RSPO2: variants seen among roughly 807,000 people sequenced by gnomAD.
RSPO2 encodes R-spondin-2.
RSPO2 carries 14 observed loss-of-function variants against 30.9 expected under a neutral mutation model. The ratio of observed to expected loss-of-function variants is 0.45; its 90% confidence interval spans 0.30 to 0.71. RSPO2 has a LOEUF of 0.71. Among genes scored for constraint, RSPO2 ranks in the 30% least tolerant of loss-of-function variants. RSPO2 has a pLI of 0.08. For missense variants in RSPO2, 264 were observed against 301.9 expected, an observed-to-expected ratio of 0.87 and a Z score of 0.93; for synonymous variants, 107 against 96.4, an observed-to-expected ratio of 1.11 and a Z score of -0.64.
chr8:107,939,529 G>C (rs1475090253), intron 5 of RSPO2, among the ~76,000 whole-genome samples: 1 of 133,002 alleles, frequency 7.5e-6, no homozygotes, highest in South Asian at 2.3e-4. Context: ...CTGTGCTTTT[G>C]ACTCTGGTTC....
intron 5 of RSPO2, among the ~76,000 whole-genome samples, chr8:107,928,849 G>A (rs955301850): frequency 2.0e-5 from 3 of 152,204 alleles, no homozygotes; most frequent in Non-Finnish European, 2.9e-5. Flanking sequence ...GGTTCATGGC[G>A]TATTGTGAGC....
chr8:107,912,113 G>A lies in RSPO2; in HGVS notation c.617-10923C>T, dbSNP rs112721299. ...ACAGTGTGCTTATGGCAAAACTCAA[G>A]GAAAAAAACAAAAAATACAGGATGC... On this transcript the variant is annotated intron_variant, in intron 5 of 5. Transcript: ENST00000276659. Among the ~76,000 whole-genome samples, 1,270 of 151,604 alleles carry A rather than the reference G, an allele frequency of 8.4e-3. 18 individuals are homozygous for A. The highest frequency in any genetic ancestry group is 0.029 in the African/African-American group (1,207 of 41,398).
At chr8:108,061,988 G>A (rs1382120805) in intron 2 of RSPO2, among the ~76,000 whole-genome samples, 1 of 151,882 alleles carries the variant, frequency 6.6e-6, no homozygotes, top group Admixed American at 6.6e-5. Flanking sequence ...TGAAACCAAT[G>A]AGAACAAAGA....
At chr8:108,025,814 A>G (rs1188004649) in intron 2 of RSPO2, among the ~76,000 whole-genome samples, 1 of 152,122 alleles carries the variant, frequency 6.6e-6, no homozygotes, top group African/African-American at 2.4e-5. Context: ...GAGCCACTAC[A>G]CCTGGCCAAA....
chr8:107,961,671 T>C (rs1586581306), intron 3 of RSPO2, among the ~76,000 whole-genome samples: 4 of 152,334 alleles, frequency 2.6e-5, no homozygotes, highest in Middle Eastern at 3.4e-3. Context: ...TATGCCTCTC[T>C]GAGCCTCTAT....
At chr8:108,055,568 T>A (rs747392869) in intron 2 of RSPO2, among the ~76,000 whole-genome samples, 3 of 152,146 alleles carry the variant, frequency 2.0e-5, no homozygotes, top group Non-Finnish European at 2.9e-5. Context: ...GGCAGCCGAC[T>A]TAGAAGAAAA....
intron 3 of RSPO2, among the ~76,000 whole-genome samples, chr8:107,964,235 G>GTTCATTCATTCATTCA (rs757686435): frequency 1.3e-5 from 2 of 152,072 alleles, no homozygotes; most frequent in Non-Finnish European, 2.9e-5. Context: ...GCATTCATTC[G>GTTCATTCATTCATTCA]TTCATTCATT....
At chr8:108,000,797 T>A (rs369271562) in intron 2 of RSPO2, among the ~76,000 whole-genome samples, 36 of 152,056 alleles carry the variant, frequency 2.4e-4, no homozygotes, top group African/African-American at 8.2e-4. Flanking sequence ...GTTAGGAGAT[T>A]GAGATGATCC....
chr8:107,901,461 T>G (rs1271161665), intron 5 of RSPO2, among the ~76,000 whole-genome samples: 1 of 152,240 alleles, frequency 6.6e-6, no homozygotes, highest in Non-Finnish European at 1.5e-5. Flanking sequence ...CTTTCAAATA[T>G]CATCCTGCCA....
chr8:108,071,482 T>C (rs187365194), intron 2 of RSPO2, among the ~76,000 whole-genome samples: 1 of 152,296 alleles, frequency 6.6e-6, no homozygotes, highest in Admixed American at 6.5e-5. Context: ...ACGTAGTTTC[T>C]TGACCCTAAC....
At chr8:107,910,165 A>G (rs1195931276) in intron 5 of RSPO2, among the ~76,000 whole-genome samples, 1 of 152,228 alleles carries the variant, frequency 6.6e-6, no homozygotes, top group Non-Finnish European at 1.5e-5. Context: ...ACCTTTTAAA[A>G]TAATTCCATT....
chr8:107,941,175 A>G (rs949307419), intron 5 of RSPO2, among the ~76,000 whole-genome samples: 1 of 152,142 alleles, frequency 6.6e-6, no homozygotes, highest in African/African-American at 2.4e-5. Context: ...CGACTCTGAA[A>G]TAATTATTTG....
rs770029123 is a variant in RSPO2, at chr8:107,900,728, C to T, written c.*347G>A. The T allele has an allele frequency of 1.5e-5, 3 of 200,996 alleles. No homozygotes were observed. The highest frequency in any genetic ancestry group is 5.7e-5 in the Admixed American group (1 of 17,596). The allele number at this position is 200,996 out of a possible 1,614,324, so 12.5% of individuals were successfully genotyped here. On this transcript the variant is annotated 3_prime_UTR_variant, in exon 6 of 6. Coordinates refer to ENST00000276659, the MANE Select transcript of RSPO2 (RefSeq NM_178565.5). ...AAGGTCACGAGTGAGTAGCGCATTG[C>T]CTGCCAAGCATCTTCTTTCACATAA...
At chr8:107,944,893 A>T (rs1430113619) in intron 5 of RSPO2, among the ~76,000 whole-genome samples, 1 of 152,126 alleles carries the variant, frequency 6.6e-6, no homozygotes, top group Non-Finnish European at 1.5e-5. Flanking sequence ...TATTTAACCA[A>T]GGATGAGAGT....
At chr8:108,059,408 T>C (rs1193863871) in intron 2 of RSPO2, among the ~76,000 whole-genome samples, 9 of 151,668 alleles carry the variant, frequency 5.9e-5, no homozygotes, top group Admixed American at 5.9e-4. Context: ...TTGGTGGGAC[T>C]GTAAACTAGT....
At chr8:107,930,110 G>A (rs1586553797) in intron 5 of RSPO2, among the ~76,000 whole-genome samples, 1 of 152,132 alleles carries the variant, frequency 6.6e-6, no homozygotes, top group South Asian at 2.1e-4. Context: ...ATGCGCCCAT[G>A]TACAACATCA....
chr8:108,057,426 T>G (rs1758905904), intron 2 of RSPO2, among the ~76,000 whole-genome samples: 1 of 152,116 alleles, frequency 6.6e-6, no homozygotes. Flanking sequence ...AATGAATAGA[T>G]TTTGGGCTTA....
chr8:108,057,908 A>C (rs1364841289), intron 2 of RSPO2, among the ~76,000 whole-genome samples: 1 of 152,226 alleles, frequency 6.6e-6, no homozygotes, highest in Non-Finnish European at 1.5e-5. Context: ...ATATACAATC[A>C]TGTCATCTGC....
intron 4 of RSPO2, among the ~76,000 whole-genome samples, chr8:107,959,056 C>A (rs981304399): frequency 1.3e-5 from 2 of 152,152 alleles, no homozygotes; most frequent in African/African-American, 4.8e-5. Context: ...AAGTAGAAGA[C>A]ACTATTTCCT....
Sources: gnomAD v4.1 joint callset for allele counts (sites outside exome capture counted in the v4.1 genomes callset) on GRCh38, gnomAD v4.1.1 for gene constraint, MANE v1.5 for transcripts, NCBI Gene and HGNC (gene_info 2026-07-23, HGNC 2026-07-21) for gene names.